KLHL35: variants seen among roughly 807,000 people sequenced by gnomAD.
KLHL35 encodes the protein kelch-like protein 35.
Under a neutral mutation model 44.0 loss-of-function variants are expected in KLHL35, and 50 were observed. The ratio of observed to expected loss-of-function variants is 1.14; its 90% CI spans 0.91 to 1.44. KLHL35 has a LOEUF of 1.44. Among genes scored for constraint, KLHL35 ranks in the 40% most tolerant of loss-of-function variants. The pLI, the probability that KLHL35 is intolerant of heterozygous loss-of-function variation, is 0.00. For missense variants in KLHL35, 1,049 were observed against 887.8 expected (o/e 1.18, Z -2.31); for synonymous variants, 470 against 410.4 (o/e 1.15, Z -1.76).
chr11:75,430,406 G>C lies in KLHL35; in HGVS notation c.224C>G (p.Pro75Arg). 1 of 1,359,828 alleles carries C rather than the reference G, an allele frequency of 7.4e-7. No homozygotes were observed. The allele number at this position is 1,359,828 out of a possible 1,614,324, so 84.2% of individuals were successfully genotyped here. The change falls in exon 2 of 7, where the codon CCC becomes CGC. Residue 75 changes from proline to arginine, a missense_variant. Pro to Arg is a moderately radical substitution (Grantham distance 103). Transcript: ENST00000539798. ...YFRSLFAAGRPERGPAVVPVV... is the reference protein window; with the variant it reads ...YFRSLFAAGRRERGPAVVPVV... ...TGGCACCACGGCCGGGCCGCGCTCG[G>C]GCCGCCCGGCCGCGAACAAGCTGCG... is the stretch of plus-strand genomic sequence containing the variant.
At chr11:75,423,950 T>C in intron 5 of KLHL35, 70 bp from the exon 6 acceptor site, 1 of 1,220,880 alleles carries the variant, frequency 8.2e-7, no homozygotes, top group Non-Finnish European at 1.1e-6. Context: ...GCCCACATGC[T>C]GCCACCTCTC....
intron 4 of KLHL35, 174 bp from the exon 5 acceptor site, chr11:75,425,755 A>G: frequency 2.0e-6 from 1 of 503,848 alleles, no homozygotes; most frequent in Non-Finnish European, 3.3e-6. Context: ...GCCTCCACCC[A>G]GTTGCTGTAC....
At chr11:75,425,875 T>G (rs1425232633) in intron 4 of KLHL35, 2 of 359,416 alleles carry the variant, frequency 5.6e-6, no homozygotes, top group East Asian at 8.3e-5. Context: ...TAGCTAGTAT[T>G]GAGACTTTAC....
Position 75,426,694 on chromosome 11 carries a change from C to A in KLHL35, c.1067-56G>T. The stretch of plus-strand genomic sequence containing the variant: ...GGCTCTCTTGCTATCCCAAGCACCC[C>A]CAAAGAGCTAGAAACTAGGGCCCCC... On this transcript the variant is annotated intron_variant, in intron 3 of 6. Transcript: ENST00000539798. 4 of 1,262,238 alleles carry A rather than the reference C, an allele frequency of 3.2e-6. No individual in the cohort carries two copies. In the South Asian group the frequency reaches 5.2e-5, roughly 16 times the overall value. 78.2% of individuals were successfully genotyped at this position (1,262,238 alleles called of 1,614,324 possible).
rs1380568592 is a variant in KLHL35, at chr11:75,430,105, G to A, written c.525C>T (p.Gly175=). 7.7e-6 allele frequency: 10 copies of A among 1,300,094 alleles called. No homozygotes were observed. The highest frequency in any genetic ancestry group is 2.2e-5 in the South Asian group (1 of 45,706). The allele number at this position is 1,300,094 out of a possible 1,614,324, so 80.5% of individuals were successfully genotyped here. The stretch of plus-strand genomic sequence containing the variant: ...CGGCGAAGGCCTGACGCAGGACGCG[G>A]CCGCAGCGCTCGGCCAGCGGGGCCA... ...FSLAPLAERC[G]RVLRQAFAEV... Residue 175 remains glycine (G), a synonymous_variant, in exon 2 of 7, where the codon GGC becomes GGT. Transcript: ENST00000539798.
Position 75,423,752 on chromosome 11 carries a change from G to T in KLHL35, c.1503C>A (p.Ile501=). The T allele has an allele frequency of 6.2e-7, 1 of 1,613,926 alleles. No homozygotes were observed. Among genetic ancestry groups the T allele is most frequent in the Non-Finnish European group, 8.5e-7 (1 of 1,179,884 alleles). The change falls in exon 6 of 7, where the codon ATC becomes ATA. Residue 501 remains isoleucine (I), a synonymous_variant. Transcript: ENST00000539798. ...CATCTGTGCCTGGATCATAGGTGAA[G>T]ATTTTGCTCATGAGACCCCCCATGA... ...IYVMGGLMSK[I]FTYDPGTDVW...
chr11:75,422,710 T>A lies in KLHL35; in HGVS notation c.1622A>T (p.Asp541Val), dbSNP rs1312855677. 3 of 1,613,920 alleles carry A rather than the reference T, an allele frequency of 1.9e-6. No individual in the cohort carries two copies. Among genetic ancestry groups the A allele is most frequent in the Non-Finnish European group, 1.7e-6 (2 of 1,179,914 alleles). The change falls in exon 7 of 7, where the codon GAT (aspartate) becomes GTT (valine). Residue 541 changes from aspartate to valine, a missense_variant. By Grantham distance (152) the Asp-to-Val change is radical. Coordinates refer to ENST00000539798, the MANE Select transcript of KLHL35 (RefSeq NM_001039548.3). Reference protein sequence around the residue: ...GKVHILGGRDDRGESTDKVFT... With the variant: ...GKVHILGGRDVRGESTDKVFT... ...GACCTTATCGGTGCTTTCTCCGCGA[T>A]CATCCCGCCCGCCAAGGATGTGGAC...
rs567743168 is a variant in KLHL35, at chr11:75,425,400, G to A, written c.1367C>T (p.Thr456Met). 36 of 1,552,448 alleles carry A rather than the reference G, an allele frequency of 2.3e-5. No homozygotes were observed. Among genetic ancestry groups the A allele is most frequent in the East Asian group, 2.1e-4 (9 of 41,972 alleles). Reference protein sequence around the residue: ...IGGARQGGVNTDKVQCFDPKE... With the variant: ...IGGARQGGVNMDKVQCFDPKE... ...CCTGAGGCCCACGCCCACCTTGTCC[G>A]TGTTGACGCCGCCCTGCCTGGCGCC... The change falls in exon 5 of 7, where the codon ACG becomes ATG. Residue 456 changes from threonine (T) to methionine (M), a missense_variant. Transcript: ENST00000539798.
intron 2 of KLHL35, among the ~76,000 whole-genome samples, chr11:75,429,217 C>A (rs1948514148): frequency 6.6e-6 from 1 of 152,348 alleles, no homozygotes; most frequent in Middle Eastern, 3.4e-3. Context: ...AATTTCCATA[C>A]CCTTTTAGCC....
At position 75,428,584 on chromosome 11, in the gene KLHL35, G is replaced by C. The variant is rs778579171; in HGVS notation, c.924C>G (p.Cys308Trp). Reference sequence around the variant, plus strand: ...GCAGCTTCAGGAGACCTTTGCGGTCGCAACCGCCGATGACCACGATCACTT... The same window carrying C: ...GCAGCTTCAGGAGACCTTTGCGGTCCCAACCGCCGATGACCACGATCACTT... Reference protein sequence around the residue: ...LAEVIVVIGGCDRKGLLKLPF... With the variant: ...LAEVIVVIGGWDRKGLLKLPF... The change falls in exon 3 of 7, where the codon TGC becomes TGG. Residue 308 changes from cysteine (C) to tryptophan (W), a missense_variant. Physicochemically the swap from Cys to Trp is radical, Grantham distance 215. Transcript: ENST00000539798. 2 of 1,603,468 alleles carry C rather than the reference G, an allele frequency of 1.2e-6. No homozygotes were observed. The highest frequency in any genetic ancestry group is 2.2e-5 in the South Asian group (2 of 90,432).
At chr11:75,426,333 C>T (rs1029262069) in intron 4 of KLHL35, 187 bp downstream of exon 4, 4 of 505,752 alleles carry the variant, frequency 7.9e-6, no homozygotes, top group Non-Finnish European at 1.4e-5. Context: ...GACCATCAGG[C>T]TGTTACTATT....
intron 1 of KLHL35, among the ~76,000 whole-genome samples, chr11:75,432,509 C>T (rs1433666999): frequency 6.6e-6 from 1 of 152,230 alleles, no homozygotes; most frequent in African/African-American, 2.4e-5. Context: ...CTGTCCTCCA[C>T]TGGCTCAGAA....
At position 75,430,540 on chromosome 11, in the gene KLHL35, G is replaced by A. The variant is rs80205745; in HGVS notation, c.90C>T (p.Ala30=). 2.9e-3 allele frequency: 4,166 copies of A among 1,458,476 alleles called. 11 individuals carry two copies. The highest frequency in any genetic ancestry group is 3.5e-3 in the Non-Finnish European group (3,846 of 1,110,872). 90.3% of individuals were successfully genotyped at this position (1,458,476 alleles called of 1,614,324 possible). A position where few individuals can be genotyped will look rare whatever the true frequency, so the allele number is the denominator to read the frequency against. The change falls in exon 2 of 7, where the codon GCC becomes GCT. Residue 30 remains alanine, a synonymous_variant. Transcript: ENST00000539798. ...GPCHAQRVLQ[A]LNAYRRSGTL... ...TGCCGCTCCGCCGGTAGGCGTTCAG[G>A]GCCTGCAGCACGCGCTGCGCGTGGC...
Position 75,430,349 on chromosome 11 carries a change from G to A in KLHL35, c.281C>T (p.Thr94Met), listed in dbSNP as rs1258752114. Residue 94 changes from threonine (T) to methionine (M), a missense_variant, in exon 2 of 7, where the codon ACG (threonine) becomes ATG (methionine). By Grantham distance (81) the Thr-to-Met change is moderately conservative. Coordinates refer to ENST00000539798, the MANE Select transcript of KLHL35 (RefSeq NM_001039548.3). The part of the protein sequence containing the change: ...VVPVAPEAPG[T>M]SPAGAAAALA... ...CGCCGCCGCCGCCCCGGCCGGGCTC[G>A]TGCCTGGCGCCTCGGGAGCTACTGG... 1 of 1,312,658 alleles carries A rather than the reference G, an allele frequency of 7.6e-7. No individual in the cohort carries two copies. The highest frequency in any genetic ancestry group is 9.7e-7 in the Non-Finnish European group (1 of 1,029,546). The allele number at this position is 1,312,658 out of a possible 1,614,324, so 81.3% of individuals were successfully genotyped here.
chr11:75,425,154 G>A (rs926614477), intron 5 of KLHL35, among the ~76,000 whole-genome samples: 2 of 152,144 alleles, frequency 1.3e-5, no homozygotes, highest in Non-Finnish European at 2.9e-5. Context: ...TAAAATGTAT[G>A]AAACTTACAT....
intron 4 of KLHL35, 144 bp from the exon 5 acceptor site, chr11:75,425,725 GTGC>G: frequency 1.5e-6 from 1 of 685,668 alleles, no homozygotes; most frequent in Non-Finnish European, 2.2e-6. Flanking sequence ...CCCGAGCCCA[GTGC>G]TGCCACCACC....
At chr11:75,431,156 A>T (rs568526473) in intron 1 of KLHL35, among the ~76,000 whole-genome samples, 1 of 152,202 alleles carries the variant, frequency 6.6e-6, no homozygotes, top group South Asian at 2.1e-4. Context: ...ACAGAGACCC[A>T]GTGTGTGCAT....
rs1367367327 is a variant in KLHL35, at chr11:75,430,185, G to A, written c.445C>T (p.Arg149Cys). ...REACVRFLEG[R>C]LRAANSLALR... ...GCTAGGCTGTTGGCGGCGCGCAGGC[G>A]GCCCTCGAGAAAGCGCACGCAGGCC... The change falls in exon 2 of 7, where the codon CGC becomes TGC. Residue 149 changes from arginine (R) to cysteine (C), a missense_variant. Arg to Cys is a radical substitution (Grantham distance 180, BLOSUM62 -3). Coordinates refer to ENST00000539798, the MANE Select transcript of KLHL35 (RefSeq NM_001039548.3). The A allele has an allele frequency of 8.1e-7, 1 of 1,229,000 alleles. No homozygotes were observed. The highest frequency in any genetic ancestry group is 1.0e-6 in the Non-Finnish European group (1 of 984,800). The allele number at this position is 1,229,000 out of a possible 1,614,324, so 76.1% of individuals were successfully genotyped here.
At chr11:75,424,454 A>C in intron 5 of KLHL35, 1 of 152,998 alleles carries the variant, frequency 6.5e-6, no homozygotes, top group Non-Finnish European at 1.5e-5. Context: ...ACAGCTGTCC[A>C]CATGCCCATG....
Sources: gnomAD v4.1 joint callset for allele counts (sites outside exome capture counted in the v4.1 genomes callset) on GRCh38, gnomAD v4.1.1 for gene constraint, MANE v1.5 for transcripts, NCBI Gene and HGNC (gene_info 2026-07-23, HGNC 2026-07-21) for gene names.